The following PTPN9 variants were observed in gnomAD, a reference collection of about 807,000 sequenced individuals.
The protein encoded by PTPN9 is tyrosine-protein phosphatase non-receptor type 9.
A neutral mutation model predicts 69.8 loss-of-function variants in PTPN9; 26 were observed. The observed-to-expected ratio is 0.37, with a 90% CI of 0.27 to 0.52. PTPN9 has a LOEUF of 0.52. Ranked by LOEUF, PTPN9 falls within the 20% of genes least tolerant of loss-of-function variation. The pLI is 0.91. For synonymous variants in PTPN9, 274 were observed against 272.5 expected (o/e 1.01, Z -0.05); for missense variants, 549 against 740.3 (o/e 0.74, Z 3.00).
intron 7 of PTPN9, among the ~76,000 whole-genome samples, chr15:75,503,598 G>GT (rs1392083618): frequency 8.7e-5 from 4 of 45,990 alleles, no homozygotes; most frequent in African/African-American, 2.7e-4. Context: ...GGAGGTGGGG[G>GT]GGTCAGCCCC....
In PTPN9 at chr15:75,507,437, A is replaced by G. The variant is rs1412808744; in HGVS notation, c.640-1434T>C. On this transcript the variant is annotated intron_variant, in intron 6 of 12. Transcript: ENST00000618819. ...CTCTAGCCTCAGCGACAACAGCAAA[A>G]CTCTGTCGCAAAAAAAAAAAAAAAA... 3.1e-5 allele frequency among the ~76,000 whole-genome samples: 4 copies of G among 131,018 alleles called. No homozygotes were observed. The East Asian group carries it at 9.0e-4, about 29-fold the overall frequency. 86.0% of individuals were successfully genotyped at this position (131,018 alleles called of 152,430 possible).
At position 75,539,242 on chromosome 15, in the gene PTPN9, C is replaced by T. The variant is rs1298359692; in HGVS notation, c.64-11981G>A. Among the ~76,000 whole-genome samples the T allele has an allele frequency of 3.3e-5, 5 of 151,548 alleles. 1 individual carries two copies. Among genetic ancestry groups the T allele is most frequent in the African/African-American group, 7.3e-5 (3 of 41,242 alleles). ...GATTATAGGCGTGAGCCACTGTGCC[C>T]GGCCAGTGATTTATCTTTAGTAAAC... On this transcript the variant is annotated intron_variant, in intron 1 of 12. Coordinates refer to ENST00000618819, the MANE Select transcript of PTPN9 (RefSeq NM_002833.4).
At chr15:75,527,065 C>G in intron 2 of PTPN9, 53 bp downstream of exon 2, 1 of 1,603,322 alleles carries the variant, frequency 6.2e-7, no homozygotes, top group Non-Finnish European at 8.5e-7. Flanking sequence ...ACAGGGACAA[C>G]AGCAACACTT....
chr15:75,482,564 C>CAA (rs145653223), intron 8 of PTPN9, among the ~76,000 whole-genome samples: 27 of 35,396 alleles, frequency 7.6e-4, no homozygotes, highest in African/African-American at 1.2e-3. Context: ...GACTCCGTCT[C>CAA]AAAAAAAAAA....
At chr15:75,520,795 G>T (rs1255315147) in intron 4 of PTPN9, among the ~76,000 whole-genome samples, 1 of 151,628 alleles carries the variant, frequency 6.6e-6, no homozygotes, top group Non-Finnish European at 1.5e-5. Context: ...GACTACACGC[G>T]TGAGCCACCA....
chr15:75,494,769 A>G lies in PTPN9; in HGVS notation c.969-4468T>C, dbSNP rs140946029. Among the ~76,000 whole-genome samples the G allele has an allele frequency of 4.6e-5, 7 of 151,950 alleles. No individual in the cohort carries two copies. In the East Asian group the frequency reaches 1.4e-3, roughly 30 times the overall value. On this transcript the variant is annotated intron_variant, in intron 7 of 12. Transcript: ENST00000618819. The stretch of plus-strand genomic sequence containing the variant: ...CTGGGTGCAATGGCTCACTCCTGCA[A>G]TCCCAGCACTTTGGGAGGCCAAGGA...
In PTPN9 at chr15:75,503,769, T is replaced by TG. The variant is rs560139024; in HGVS notation, c.968+1905dup. ...CCAGCCGCCCCATCCGGGAGGGAGG[T>TG]GGGGGGGGGGTCAGCCCCCCGTCCG... On this transcript the variant is annotated intron_variant, in intron 7 of 12. Coordinates refer to ENST00000618819, the MANE Select transcript of PTPN9 (RefSeq NM_002833.4). 1.4e-3 allele frequency among the ~76,000 whole-genome samples: 71 copies of TG among 51,546 alleles called. 2 individuals carry two copies. Among genetic ancestry groups the TG allele is most frequent in the Admixed American group, 2.3e-3 (12 of 5,244 alleles). 33.8% of individuals were successfully genotyped at this position (51,546 alleles called of 152,430 possible).
intron 7 of PTPN9, among the ~76,000 whole-genome samples, chr15:75,498,808 G>A (rs1018609308): frequency 3.9e-5 from 6 of 152,142 alleles, no homozygotes; most frequent in African/African-American, 1.4e-4. Flanking sequence ...GGGCAACGAG[G>A]GGAGCCTTGT....
At chr15:75,539,647 G>C (rs1408895708) in intron 1 of PTPN9, among the ~76,000 whole-genome samples, 2 of 151,672 alleles carry the variant, frequency 1.3e-5, no homozygotes, top group Non-Finnish European at 2.9e-5. Context: ...AGGTAGAAAT[G>C]TTCACCCATT....
In PTPN9 at chr15:75,468,842, G is replaced by A; in HGVS notation, c.1709C>T (p.Ala570Val). Residue 570 changes from alanine (A) to valine (V), a missense_variant, in exon 13 of 13, where the codon GCC becomes GTC. Transcript: ENST00000618819. ...CTCCTTCTCTGCGAACTCCAGGATG[G>A]CCTTGTAGCAAAAATAGTACTGCTC... The part of the protein sequence containing the change: ...TPEQYYFCYK[A>V]ILEFAEKEGM... 1 of 1,614,160 alleles carries A rather than the reference G, an allele frequency of 6.2e-7. No homozygotes were observed. Among genetic ancestry groups the A allele is most frequent in the Non-Finnish European group, 8.5e-7 (1 of 1,180,022 alleles).
chr15:75,523,215 C>T lies in PTPN9; in HGVS notation c.328G>A (p.Ala110Thr). ...TGATGCAACCTGGCAGTAAAGAGGG[C>T]AATGGAGGCTCCTGTTGGGTCCCGA... ...NVRDPTGASIALFTARLHHPH... is the reference protein window; with the variant it reads ...NVRDPTGASITLFTARLHHPH... Residue 110 changes from alanine (A) to threonine (T), a missense_variant, in exon 4 of 13, where the codon GCC becomes ACC. Coordinates refer to ENST00000618819, the MANE Select transcript of PTPN9 (RefSeq NM_002833.4). 1 of 1,614,028 alleles carries T rather than the reference C, an allele frequency of 6.2e-7. No individual in the cohort carries two copies. The highest frequency in any genetic ancestry group is 1.7e-5 in the Admixed American group (1 of 59,978).
chr15:75,577,056 G>T (rs2075177111), intron 1 of PTPN9, among the ~76,000 whole-genome samples: 1 of 152,154 alleles, frequency 6.6e-6, no homozygotes, highest in African/African-American at 2.4e-5. Context: ...TTCCATCCTA[G>T]TCCTTGTTAA....
chr15:75,479,747 C>A, intron 9 of PTPN9, 101 bp downstream of exon 9: 1 of 1,016,352 alleles, frequency 9.8e-7, no homozygotes, highest in Non-Finnish European at 1.4e-6. Flanking sequence ...GCCAAAACCT[C>A]CACTCAAGTT....
intron 2 of PTPN9, among the ~76,000 whole-genome samples, chr15:75,526,422 G>A (rs1041071043): frequency 3.9e-5 from 6 of 152,094 alleles, no homozygotes; most frequent in Admixed American, 3.9e-4. Flanking sequence ...CTTCAGTTAA[G>A]CTAATCCTAG....
intron 1 of PTPN9, among the ~76,000 whole-genome samples, chr15:75,576,220 G>C (rs1009869898): frequency 2.7e-5 from 4 of 150,322 alleles, no homozygotes; most frequent in African/African-American, 4.9e-5. Flanking sequence ...AACAGAGCAA[G>C]ACTCAGTTAA....
chr15:75,537,363 A>C (rs183735982), intron 1 of PTPN9, among the ~76,000 whole-genome samples: 2 of 147,008 alleles, frequency 1.4e-5, no homozygotes, highest in African/African-American at 5.0e-5. Flanking sequence ...AAAAAAAAAA[A>C]AAAAAAAAAC....
intron 6 of PTPN9, among the ~76,000 whole-genome samples, chr15:75,507,820 G>A (rs1156561047): frequency 2.6e-5 from 4 of 151,880 alleles, no homozygotes; most frequent in Non-Finnish European, 4.4e-5. Flanking sequence ...TGAGGTGGGC[G>A]GATCATGAGG....
intron 1 of PTPN9, among the ~76,000 whole-genome samples, chr15:75,537,872 A>G (rs2074991658): frequency 6.6e-6 from 1 of 151,632 alleles, no homozygotes; most frequent in Non-Finnish European, 1.5e-5. Context: ...CAGCCTGGCC[A>G]ACATAGTGAA....
intron 8 of PTPN9, among the ~76,000 whole-genome samples, chr15:75,481,865 C>T (rs909176070): frequency 6.9e-6 from 1 of 144,984 alleles, no homozygotes; most frequent in African/African-American, 2.6e-5. Flanking sequence ...GGCCAGCCGC[C>T]CCTCCGGGAG....
Sources: gnomAD v4.1 joint callset for allele counts (sites outside exome capture counted in the v4.1 genomes callset) on GRCh38, gnomAD v4.1.1 for gene constraint, MANE v1.5 for transcripts, NCBI Gene and HGNC (gene_info 2026-07-23, HGNC 2026-07-21) for gene names.